The following TFEC variants were observed in gnomAD, a reference collection of about 807,000 sequenced individuals.
The protein encoded by TFEC is class E basic helix-loop-helix protein 34.
TFEC carries 31 observed loss-of-function variants against 41.6 expected under a neutral mutation model. That is an observed-to-expected ratio of 0.74 (90% confidence interval 0.56 to 1.01). The LOEUF (loss-of-function observed/expected upper bound fraction) is 1.01, where lower values mean the gene tolerates loss of function less well. TFEC is among the 50% of genes least tolerant of loss of function. The pLI is 0.00. For missense variants in TFEC, 402 were observed against 404.1 expected, an observed-to-expected ratio of 0.99 and a Z score of 0.04; for synonymous variants, 143 against 140.6, an observed-to-expected ratio of 1.02 and a Z score of -0.12.
At chr7:115,964,235 C>T (rs1015236888) in intron 3 of TFEC, among the ~76,000 whole-genome samples, 1 of 151,464 alleles carries the variant, frequency 6.6e-6, no homozygotes, top group Non-Finnish European at 1.5e-5. Flanking sequence ...ATTATGATTA[C>T]TGAAGAATCA....
At chr7:115,988,308 C>G (rs944696503) in intron 1 of TFEC, among the ~76,000 whole-genome samples, 1 of 151,570 alleles carries the variant, frequency 6.6e-6, no homozygotes, top group Non-Finnish European at 1.5e-5. Context: ...GATTAATATG[C>G]TAATAGATAA....
chr7:116,099,209 C>T (rs189505676), intron 3 of TFEC, among the ~76,000 whole-genome samples: 1 of 152,270 alleles, frequency 6.6e-6, no homozygotes, highest in Non-Finnish European at 1.5e-5. Flanking sequence ...AAAAACTGAT[C>T]AAGTAAGGAA....
upstream of TFEC, among the ~76,000 whole-genome samples, chr7:116,034,687 T>TACACACACACACACAC (rs58308740): frequency 6.7e-5 from 10 of 148,368 alleles, no homozygotes; most frequent in South Asian, 1.9e-3. Context: ...CAGGCATGCA[T>TACACACACACACACAC]ACACACACAC....
intron 1 of TFEC, among the ~76,000 whole-genome samples, chr7:116,159,420 A>G (rs920382595): frequency 6.6e-6 from 1 of 152,036 alleles, no homozygotes; most frequent in African/African-American, 2.4e-5. Flanking sequence ...AGACATATAT[A>G]TTGCATAAAA....
chr7:116,146,083 C>A (rs929097881), intron 1 of TFEC, among the ~76,000 whole-genome samples: 1 of 152,052 alleles, frequency 6.6e-6, no homozygotes, highest in South Asian at 2.1e-4. Flanking sequence ...ACAGTATACC[C>A]AATAATGTTA....
intron 1 of TFEC, among the ~76,000 whole-genome samples, chr7:116,119,941 A>G (rs1191863105): frequency 6.6e-6 from 1 of 151,748 alleles, no homozygotes; most frequent in East Asian, 1.9e-4. Context: ...TACATTGGAA[A>G]TGCTTACAAT....
chr7:116,056,492 T>C (rs577032751), intron 3 of TFEC, among the ~76,000 whole-genome samples: 2 of 152,214 alleles, frequency 1.3e-5, no homozygotes, highest in South Asian at 4.2e-4. Context: ...TGACTAGAGG[T>C]GACAGTGACC....
intron 3 of TFEC, among the ~76,000 whole-genome samples, chr7:116,064,319 A>G (rs1796641421): frequency 6.6e-6 from 1 of 151,642 alleles, no homozygotes; most frequent in Non-Finnish European, 1.5e-5. Flanking sequence ...TAAAATAGGT[A>G]TATATACACC....
chr7:115,990,270 C>T (rs957941342), intron 1 of TFEC, among the ~76,000 whole-genome samples: 17 of 152,104 alleles, frequency 1.1e-4, no homozygotes, highest in Non-Finnish European at 1.9e-4. Flanking sequence ...CCACAAAGAT[C>T]GGGAGAAACC....
intron 1 of TFEC, among the ~76,000 whole-genome samples, chr7:116,116,432 A>G (rs1467146562): frequency 6.6e-6 from 1 of 151,876 alleles, no homozygotes; most frequent in African/African-American, 2.4e-5. Flanking sequence ...CTCAAGAAAA[A>G]AGGAAATATC....
intron 3 of TFEC, among the ~76,000 whole-genome samples, chr7:115,969,502 C>T (rs796843391): frequency 3.3e-5 from 5 of 151,850 alleles, no homozygotes; most frequent in African/African-American, 1.2e-4. Flanking sequence ...CCAAACTAAG[C>T]AAAGGAAGTG....
intron 1 of TFEC, among the ~76,000 whole-genome samples, chr7:116,124,370 T>C (rs1011442740): frequency 6.6e-6 from 1 of 152,092 alleles, no homozygotes; most frequent in Non-Finnish European, 1.5e-5. Flanking sequence ...GGCAGCAGCA[T>C]AAAATCTGCT....
At chr7:115,994,340 G>A (rs1794262921) in intron 1 of TFEC, among the ~76,000 whole-genome samples, 1 of 146,676 alleles carries the variant, frequency 6.8e-6, no homozygotes, top group Non-Finnish European at 1.6e-5. Context: ...GGCAACAAAA[G>A]CCAAAATTGA....
Position 115,940,359 on chromosome 7 carries a change from C to G in TFEC, c.*192G>C. ...GTCAAAGAAGAAAACACCTTTTTTT[C>G]GCCCTCAATAATTCATTAACACTAT... On this transcript the variant is annotated 3_prime_UTR_variant, in exon 8 of 8. Coordinates refer to ENST00000265440, the MANE Select transcript of TFEC (RefSeq NM_012252.4). 3 of 556,590 alleles carry G rather than the reference C, an allele frequency of 5.4e-6. No homozygotes were observed. Among genetic ancestry groups the G allele is most frequent in the Non-Finnish European group, 8.8e-6 (3 of 341,574 alleles). The allele number at this position is 556,590 out of a possible 1,614,324, so 34.5% of individuals were successfully genotyped here. A position where few individuals can be genotyped will look rare whatever the true frequency, so the allele number is the denominator to read the frequency against.
intron 1 of TFEC, among the ~76,000 whole-genome samples, chr7:116,028,561 T>C (rs775017767): frequency 2.2e-4 from 33 of 152,196 alleles, no homozygotes; most frequent in Non-Finnish European, 3.2e-4. Context: ...ATGCATGTGT[T>C]TTATTTTGTT....
intron 3 of TFEC, among the ~76,000 whole-genome samples, chr7:115,967,920 CT>C (rs1792942396): frequency 6.6e-6 from 1 of 151,750 alleles, no homozygotes; most frequent in Non-Finnish European, 1.5e-5. Context: ...AAACCCTCAT[CT>C]TTTGATTAAA....
At chr7:115,986,510 G>A (rs755473214) in intron 1 of TFEC, among the ~76,000 whole-genome samples, 2 of 151,960 alleles carry the variant, frequency 1.3e-5, no homozygotes, top group African/African-American at 2.4e-5. Context: ...CACATGCAAT[G>A]AAATTAAAAA....
chr7:116,001,807 T>A (rs1208391786), intron 1 of TFEC, among the ~76,000 whole-genome samples: 1 of 151,878 alleles, frequency 6.6e-6, no homozygotes, highest in Non-Finnish European at 1.5e-5. Flanking sequence ...TAGAAAAAAA[T>A]CTAATAATCC....
intron 3 of TFEC, among the ~76,000 whole-genome samples, chr7:116,105,534 A>G (rs1797697612): frequency 6.6e-6 from 1 of 152,162 alleles, no homozygotes; most frequent in Non-Finnish European, 1.5e-5. Flanking sequence ...GGCAGCAACC[A>G]AAATAGTCTA....
Sources: gnomAD v4.1 joint callset for allele counts (sites outside exome capture counted in the v4.1 genomes callset) on GRCh38, gnomAD v4.1.1 for gene constraint, MANE v1.5 for transcripts, NCBI Gene and HGNC (gene_info 2026-07-23, HGNC 2026-07-21) for gene names.